The following WNT8B variants were observed in gnomAD, a reference collection of about 807,000 sequenced individuals.
WNT8B encodes the protein Wnt family member 8B.
Under a neutral mutation model 36.6 loss-of-function variants are expected in WNT8B, and 24 were observed. That is an observed-to-expected ratio of 0.66 (90% CI 0.48 to 0.92). The LOEUF is 0.92. Among genes scored for constraint, WNT8B ranks in the 40% least tolerant of loss-of-function variants. The probability of loss-of-function intolerance (pLI) is 0.00; values close to 1 mark genes in which losing one functional copy is unlikely to be tolerated. For missense variants in WNT8B, 402 were observed against 470.8 expected, an observed-to-expected ratio of 0.85 and a Z score of 1.35; for synonymous variants, 199 against 189.8, an observed-to-expected ratio of 1.05 and a Z score of -0.40.
rs1851138983 is a variant in WNT8B, at chr10:100,482,904, CG to C, written c.*89del. On this transcript the variant is annotated 3_prime_UTR_variant, in exon 6 of 6. Coordinates refer to ENST00000343737, the MANE Select transcript of WNT8B (RefSeq NM_003393.4). This position sits in a 1 kb window ranked among gnomAD's most constrained non-coding sequence, Gnocchi z 6.6. ...TGTGGAACCTAGGGAATGGGGAACC[CG>C]CTCTCCCAGACCTAGGGATCCTGAG... The C allele has an allele frequency of 2.2e-6, 3 of 1,366,908 alleles. No homozygotes were observed. 84.7% of individuals were successfully genotyped at this position (1,366,908 alleles called of 1,614,324 possible). A position where few individuals can be genotyped will look rare whatever the true frequency, so the allele number is the denominator to read the frequency against.
At chr10:100,479,108 G>A in intron 2 of WNT8B, 23 bp downstream of exon 2, 1 of 1,588,560 alleles carries the variant, frequency 6.3e-7, no homozygotes, top group Non-Finnish European at 8.5e-7. Context: ...TCCATTAATT[G>A]ATATGGATTT....
rs1851115479 is a variant in WNT8B at position 100,481,787 on chromosome 10, C to A, written c.368-125C>A. 3.0e-6 allele frequency: 4 copies of A among 1,337,306 alleles called. No individual in the cohort carries two copies. In the East Asian group the frequency reaches 7.6e-5, roughly 25 times the overall value. The allele number at this position is 1,337,306 out of a possible 1,614,324, so 82.8% of individuals were successfully genotyped here. ...GACGGCAACTGATCTGGATACAGGGCACTCGCCCAACCTTAATCCTCTCCT... is the reference window on the plus strand; with the variant it reads ...GACGGCAACTGATCTGGATACAGGGAACTCGCCCAACCTTAATCCTCTCCT... On this transcript the variant is annotated intron_variant, in intron 4 of 5. Coordinates refer to ENST00000343737, the MANE Select transcript of WNT8B (RefSeq NM_003393.4).
intron 4 of WNT8B, 59 bp from the exon 5 acceptor site, chr10:100,481,853 G>A (rs1851117360): frequency 6.3e-7 from 1 of 1,591,388 alleles, no homozygotes. Context: ...AGAAACAGCA[G>A]CCCAGGAGGC....
At chr10:100,464,377 T>G (rs186841932) in intron 1 of WNT8B, among the ~76,000 whole-genome samples, 37 of 152,316 alleles carry the variant, frequency 2.4e-4, no homozygotes, top group Non-Finnish European at 5.1e-4. Context: ...AAAAGGTCTC[T>G]CTTCTCTCCC....
chr10:100,479,376 T>C (rs1737663061), intron 2 of WNT8B, among the ~76,000 whole-genome samples: 1 of 152,186 alleles, frequency 6.6e-6, no homozygotes, highest in South Asian at 2.1e-4. Flanking sequence ...CACATCCTTC[T>C]CAGTGCCCCG....
At position 100,479,027 on chromosome 10, in the gene WNT8B, TTTTTG is replaced by T; in HGVS notation, c.69-20_69-16del. 1 of 1,586,226 alleles carries T rather than the reference TTTTTG, an allele frequency of 6.3e-7. No individual in the cohort carries two copies. Among genetic ancestry groups the T allele is most frequent in the South Asian group, 1.2e-5 (1 of 85,972 alleles). On this transcript the variant is annotated intron_variant, in intron 1 of 5. Transcript: ENST00000343737. Reference sequence around the variant, plus strand: ...GTTGGTGTCTCTGCATTATATTCTGTTTTTGTTTTTTTTTTCCCTTATAGGTCGGT... The same window carrying T: ...GTTGGTGTCTCTGCATTATATTCTGTTTTTTTTTTTCCCTTATAGGTCGGT...
Position 100,482,137 on chromosome 10 carries a change from T to G in WNT8B, c.510+83T>G. On this transcript the variant is annotated intron_variant, in intron 5 of 5. Coordinates refer to ENST00000343737, the MANE Select transcript of WNT8B (RefSeq NM_003393.4). The surrounding 1 kb of genome is among the most constrained non-coding windows in gnomAD (Gnocchi z 6.6). ...AGGTGCGGACAACTCTTCAGTTCATTTAAAAGATTGGCAAAATGAGGTACC... is the reference window on the plus strand; with the variant it reads ...AGGTGCGGACAACTCTTCAGTTCATGTAAAAGATTGGCAAAATGAGGTACC... 2.5e-6 allele frequency: 4 copies of G among 1,586,888 alleles called. No homozygotes were observed. Among genetic ancestry groups the G allele is most frequent in the Non-Finnish European group, 3.4e-6 (4 of 1,164,682 alleles).
At chr10:100,467,938 G>T (rs1166765990) in intron 1 of WNT8B, among the ~76,000 whole-genome samples, 1 of 152,168 alleles carries the variant, frequency 6.6e-6, no homozygotes, top group African/African-American at 2.4e-5. Context: ...GTTCAAAACA[G>T]GAAGAAGAGG....
At chr10:100,463,772 C>A (rs1850883011) in intron 1 of WNT8B, among the ~76,000 whole-genome samples, 1 of 151,860 alleles carries the variant, frequency 6.6e-6, no homozygotes, top group Non-Finnish European at 1.5e-5. Context: ...TGTTTGAAAC[C>A]AGATATTTTA....
chr10:100,480,310 G>A (rs1444301078), intron 3 of WNT8B, among the ~76,000 whole-genome samples: 2 of 152,178 alleles, frequency 1.3e-5, no homozygotes. Flanking sequence ...GTAATATCAG[G>A]AGGTAGGCAG....
intron 3 of WNT8B, among the ~76,000 whole-genome samples, 172 bp downstream of exon 3, chr10:100,480,184 A>G (rs1851092562): frequency 1.3e-5 from 2 of 152,020 alleles, no homozygotes; most frequent in South Asian, 4.2e-4. Context: ...TCCCACCTGT[A>G]GAGTTTTTTC....
At chr10:100,475,281 G>C (rs1851025147) in intron 1 of WNT8B, among the ~76,000 whole-genome samples, 1 of 152,040 alleles carries the variant, frequency 6.6e-6, no homozygotes, top group Non-Finnish European at 1.5e-5. Flanking sequence ...CCCGGGAGGT[G>C]GAGTCTGCAG....
chr10:100,476,502 A>G (rs1189894630), intron 1 of WNT8B, among the ~76,000 whole-genome samples: 1 of 152,194 alleles, frequency 6.6e-6, no homozygotes, highest in African/African-American at 2.4e-5. Context: ...TTTTGGCCTG[A>G]CAAGAAACTT....
At chr10:100,463,311 T>C (rs1286887098) in intron 1 of WNT8B, 75 bp downstream of exon 1, 21 of 1,447,952 alleles carry the variant, frequency 1.5e-5, no homozygotes, top group Non-Finnish European at 1.9e-5. Context: ...GCTCATTTCA[T>C]TTCCAGAAAT....
intron 1 of WNT8B, among the ~76,000 whole-genome samples, chr10:100,466,084 A>C (rs1850904875): frequency 6.6e-6 from 1 of 152,114 alleles, no homozygotes; most frequent in African/African-American, 2.4e-5. Flanking sequence ...ATTAAAAAAA[A>C]CCATATATGA....
Position 100,463,117 on chromosome 10 carries a change from T to C in WNT8B, c.-52T>C, listed in dbSNP as rs2133647227. Reference sequence around the variant, plus strand: ...GAGGAGAATATTTCTCCGTCTTGCTTACCCATCTCCCAGTTTTTTGGAATT... The same window carrying C: ...GAGGAGAATATTTCTCCGTCTTGCTCACCCATCTCCCAGTTTTTTGGAATT... On this transcript the variant is annotated 5_prime_UTR_variant, in exon 1 of 6. Coordinates refer to ENST00000343737, the MANE Select transcript of WNT8B (RefSeq NM_003393.4). 1 of 1,534,540 alleles carries C rather than the reference T, an allele frequency of 6.5e-7. No individual in the cohort carries two copies. Among genetic ancestry groups the C allele is most frequent in the Non-Finnish European group, 9.0e-7 (1 of 1,109,428 alleles).
At position 100,463,094 on chromosome 10, in the gene WNT8B, G is replaced by A. The variant is rs750884951; in HGVS notation, c.-75G>A. ...GAGAATTCCATCCCACTGGCACTGA[G>A]GAGAATATTTCTCCGTCTTGCTTAC... is the stretch of plus-strand genomic sequence containing the variant. On this transcript the variant is annotated 5_prime_UTR_variant, in exon 1 of 6. Transcript: ENST00000343737. The A allele has an allele frequency of 9.4e-6, 13 of 1,385,432 alleles. No individual in the cohort carries two copies. Among genetic ancestry groups the A allele is most frequent in the Non-Finnish European group, 1.2e-5 (12 of 979,056 alleles). The allele number at this position is 1,385,432 out of a possible 1,614,324, so 85.8% of individuals were successfully genotyped here.
chr10:100,469,464 C>G (rs1850949893), intron 1 of WNT8B, among the ~76,000 whole-genome samples: 1 of 152,204 alleles, frequency 6.6e-6, no homozygotes, highest in African/African-American at 2.4e-5. Flanking sequence ...ACCTCCTAAT[C>G]CCTTCCCCTA....
chr10:100,475,813 T>C (rs959423644), intron 1 of WNT8B, among the ~76,000 whole-genome samples: 10 of 152,204 alleles, frequency 6.6e-5, no homozygotes, highest in Non-Finnish European at 1.3e-4. Flanking sequence ...CAAAGGGGCC[T>C]GGCTGACTCC....
Sources: allele counts gnomAD v4.1 joint callset (sites outside exome capture counted in the v4.1 genomes callset), GRCh38; gene constraint gnomAD v4.1.1; non-coding constraint Gnocchi (gnomAD v3.1); transcripts MANE v1.5; gene names NCBI Gene and HGNC (gene_info 2026-07-23, HGNC 2026-07-21).